The following ZNF84 variants were observed in gnomAD, a reference collection of about 807,000 sequenced individuals.
ZNF84 encodes zinc finger protein HPF2.
A neutral mutation model predicts 14.8 loss-of-function variants in ZNF84; 12 were observed. That is an observed-to-expected ratio of 0.81 (90% CI 0.52 to 1.31). ZNF84 has a LOEUF of 1.31. Among genes scored for constraint, ZNF84 ranks in the 50% most tolerant of loss-of-function variants. The probability of loss-of-function intolerance (pLI) is 0.00; values close to 1 mark genes in which losing one functional copy is unlikely to be tolerated. For missense variants in ZNF84, 859 were observed against 878.6 expected (o/e 0.98, Z 0.28); for synonymous variants, 347 against 291.1 (o/e 1.19, Z -1.96).
chr12:133,048,434 A>G, intron 3 of ZNF84: 1 of 292,186 alleles, frequency 3.4e-6, no homozygotes. Flanking sequence ...TGGCAAGTAC[A>G]GTCATTATCC....
At chr12:133,056,166 T>C (rs1204825133) in intron 4 of ZNF84, among the ~76,000 whole-genome samples, 1 of 152,258 alleles carries the variant, frequency 6.6e-6, no homozygotes, top group Non-Finnish European at 1.5e-5. Context: ...TCTTAGTATT[T>C]ACTACAGTGT....
intron 2 of ZNF84, among the ~76,000 whole-genome samples, chr12:133,045,044 G>A (rs1324046749): frequency 1.3e-5 from 2 of 152,122 alleles, no homozygotes; most frequent in Non-Finnish European, 2.9e-5. Flanking sequence ...ATAATTCATT[G>A]ATTTTTAAGT....
chr12:133,050,687 A>G, intron 4 of ZNF84: 1 of 396,328 alleles, frequency 2.5e-6, no homozygotes, highest in Non-Finnish European at 4.4e-6. Context: ...AATCCTTTCC[A>G]TAGGAACTTG....
In ZNF84 at chr12:133,057,503, A is replaced by T. The variant is rs1040333038; in HGVS notation, c.788A>T (p.Tyr263Phe). ...AGAACTCATACAGGAGAAAAACCTT[A>T]TAATTGTAGCCAGTGTGGGAAAGCC... ...HHRTHTGEKP[Y>F]NCSQCGKAFS... Residue 263 changes from tyrosine (Y) to phenylalanine (F), a missense_variant, in exon 5 of 5, where the codon TAT becomes TTT. Tyr to Phe is a conservative substitution (Grantham distance 22). Coordinates refer to ENST00000539354, the MANE Select transcript of ZNF84 (RefSeq NM_001289971.2). The T allele has an allele frequency of 1.2e-5, 20 of 1,614,062 alleles. No homozygotes were observed. In the Admixed American group the frequency reaches 2.7e-4, roughly 22 times the overall value.
Position 133,058,660 on chromosome 12 carries a change from C to T in ZNF84, c.1945C>T (p.His649Tyr). Reference sequence around the variant, plus strand: ...AAGTCTCATCAATCATCAGAGAATACATACAGGAGAGAAGCCTTTTGAATG... The same window carrying T: ...AAGTCTCATCAATCATCAGAGAATATATACAGGAGAGAAGCCTTTTGAATG... ...KSSLINHQRI[H>Y]TGEKPFECSE... Residue 649 changes from histidine (H) to tyrosine (Y), a missense_variant, in exon 5 of 5, where the codon CAT becomes TAT. By Grantham distance (83) the His-to-Tyr change is moderately conservative (BLOSUM62 2). Transcript: ENST00000539354. 1 of 1,614,132 alleles carries T rather than the reference C, an allele frequency of 6.2e-7. No individual in the cohort carries two copies. The highest frequency in any genetic ancestry group is 8.5e-7 in the Non-Finnish European group (1 of 1,180,006).
chr12:133,043,238 C>A (rs1301104830), intron 2 of ZNF84, among the ~76,000 whole-genome samples: 1 of 152,026 alleles, frequency 6.6e-6, no homozygotes, highest in Non-Finnish European at 1.5e-5. Context: ...AGTGCAATGG[C>A]ACAATCTCAG....
chr12:133,038,855 GA>G (rs1358036571), intron 1 of ZNF84: 2 of 151,622 alleles, frequency 1.3e-5, no homozygotes, highest in Admixed American at 1.3e-4. Flanking sequence ...TATTTTATGT[GA>G]GTTGTTTATA....
chr12:133,058,843 C>G lies in ZNF84; in HGVS notation c.2128C>G (p.Pro710Ala). The change falls in exon 5 of 5, where the codon CCT becomes GCT. Residue 710 changes from proline to alanine, a missense_variant. Coordinates refer to ENST00000539354, the MANE Select transcript of ZNF84 (RefSeq NM_001289971.2). The part of the protein sequence containing the change: ...NHQRIHTGEK[P>A]YRCIECGKAF... ...TCAGAGAATTCATACAGGAGAGAAG[C>G]CTTATCGATGCATTGAATGTGGGAA... is the stretch of plus-strand genomic sequence containing the variant. The G allele has an allele frequency of 6.2e-7, 1 of 1,613,908 alleles. No homozygotes were observed. Among genetic ancestry groups the G allele is most frequent in the Non-Finnish European group, 8.5e-7 (1 of 1,179,926 alleles).
chr12:133,058,968 T>C lies in ZNF84; in HGVS notation c.*36T>C, dbSNP rs1387027634. On this transcript the variant is annotated 3_prime_UTR_variant, in exon 5 of 5. Coordinates refer to ENST00000539354, the MANE Select transcript of ZNF84 (RefSeq NM_001289971.2). ...AATAGTAGTCTTTGACAGATCATCT[T>C]GGACTTCAGGAAATGCAATTATGAT... 1 of 1,524,648 alleles carries C rather than the reference T, an allele frequency of 6.6e-7. No homozygotes were observed. Among genetic ancestry groups the C allele is most frequent in the East Asian group, 2.3e-5 (1 of 44,298 alleles). The allele number at this position is 1,524,648 out of a possible 1,614,324, so 94.4% of individuals were successfully genotyped here. A position where few individuals can be genotyped will look rare whatever the true frequency, so the allele number is the denominator to read the frequency against.
Position 133,061,517 on chromosome 12 carries a change from C to G in ZNF84, c.*2585C>G, listed in dbSNP as rs938362954. On this transcript the variant is annotated 3_prime_UTR_variant, in exon 5 of 5. Transcript: ENST00000539354. The stretch of plus-strand genomic sequence containing the variant: ...TTTTTAATATCTCAAATTCATTTTA[C>G]TAGACGTGGGAGACCAACTAATGCA... The G allele has an allele frequency of 6.6e-5, 10 of 152,166 alleles. No individual in the cohort carries two copies. Among genetic ancestry groups the G allele is most frequent in the African/African-American group, 2.2e-4 (9 of 41,440 alleles). The allele number at this position is 152,166 out of a possible 1,614,324, so 9.4% of individuals were successfully genotyped here. A position where few individuals can be genotyped will look rare whatever the true frequency, so the allele number is the denominator to read the frequency against.
intron 2 of ZNF84, chr12:133,047,748 C>T: frequency 6.8e-6 from 3 of 441,622 alleles, no homozygotes; most frequent in Non-Finnish European, 8.2e-6. Flanking sequence ...TGGAGAGGCT[C>T]TCTTTAATCT....
At chr12:133,044,611 T>G (rs1953945748) in intron 2 of ZNF84, among the ~76,000 whole-genome samples, 1 of 152,110 alleles carries the variant, frequency 6.6e-6, no homozygotes, top group Non-Finnish European at 1.5e-5. Flanking sequence ...GGGTTCATTG[T>G]TTTTCAAAGA....
chr12:133,041,547 T>C (rs999566546), intron 2 of ZNF84, 65 bp downstream of exon 2: 43 of 1,541,874 alleles, frequency 2.8e-5, no homozygotes, highest in Non-Finnish European at 3.6e-5. Context: ...AGCCTTCCGG[T>C]GAAAAAGAAA....
chr12:133,057,256 G>A lies in ZNF84; in HGVS notation c.541G>A (p.Asp181Asn). 6 of 1,613,812 alleles carry A rather than the reference G, an allele frequency of 3.7e-6. No individual in the cohort carries two copies. Among genetic ancestry groups the A allele is most frequent in the Non-Finnish European group, 5.1e-6 (6 of 1,179,970 alleles). Reference sequence around the variant, plus strand: ...TACTGATACCTGGTTAAAATACTATGACTGTGATAAATATAAAGAGAGCTA... The same window carrying A: ...TACTGATACCTGGTTAAAATACTATAACTGTGATAAATATAAAGAGAGCTA... The part of the protein sequence containing the change: ...EDTDTWLKYY[D>N]CDKYKESYKK... The change falls in exon 5 of 5, where the codon GAC (aspartate) becomes AAC (asparagine). Residue 181 changes from aspartate (D) to asparagine (N), a missense_variant. Physicochemically the swap from Asp to Asn is conservative, Grantham distance 23 (BLOSUM62 1). Transcript: ENST00000539354.
At position 133,058,177 on chromosome 12, in the gene ZNF84, GA is replaced by G; in HGVS notation, c.1464del (p.Glu488AspfsTer13). On this transcript the variant is annotated frameshift_variant, in exon 5 of 5. Coordinates refer to ENST00000539354, the MANE Select transcript of ZNF84 (RefSeq NM_001289971.2). LOFTEE classifies it low-confidence loss of function (END_TRUNC). The stretch of plus-strand genomic sequence containing the variant: ...AACTCATACGGGAGAAAAACCGTAT[GA>G]ATGCAGTGAGTGTGGGAAAGCTTTC... ...QRTHTGEKPY[E>X]CSECGKAFSE... 1 of 1,614,086 alleles carries G rather than the reference GA, an allele frequency of 6.2e-7. No homozygotes were observed. Among genetic ancestry groups the G allele is most frequent in the African/African-American group, 1.3e-5 (1 of 75,048 alleles).
intron 4 of ZNF84, among the ~76,000 whole-genome samples, chr12:133,052,314 AG>A (rs1954084442): frequency 3.3e-5 from 5 of 152,114 alleles, no homozygotes; most frequent in African/African-American, 1.2e-4. Context: ...ATGGAGAGAG[AG>A]AGAGAGAAGA....
Position 133,062,760 on chromosome 12 carries a change from T to C in ZNF84, c.*3828T>C, listed in dbSNP as rs1377737930. 3.4e-6 allele frequency: 1 copy of C among 294,336 alleles called. No individual in the cohort carries two copies. Among genetic ancestry groups the C allele is most frequent in the South Asian group, 5.9e-5 (1 of 16,808 alleles). 18.2% of individuals were successfully genotyped at this position (294,336 alleles called of 1,614,324 possible). On this transcript the variant is annotated 3_prime_UTR_variant, in exon 5 of 5. Transcript: ENST00000539354. Reference sequence around the variant, plus strand: ...TTCTCCTTATGGTATGTAAGGACTTTTGTATAAACCAATGCCTATCTATCT... The same window carrying C: ...TTCTCCTTATGGTATGTAAGGACTTCTGTATAAACCAATGCCTATCTATCT...
chr12:133,042,372 A>G (rs1439569957), intron 2 of ZNF84, among the ~76,000 whole-genome samples: 2 of 152,196 alleles, frequency 1.3e-5, no homozygotes, highest in East Asian at 1.9e-4. Context: ...AAATAAATAC[A>G]TGCTAATTCT....
Position 133,058,248 on chromosome 12 carries a change from A to G in ZNF84, c.1533A>G (p.Gly511=). ...SLTNHQRIHT[G]EKPYVCSECG... is the part of the protein sequence containing the mutation. ...CTAATCATCAAAGAATTCATACAGGAGAAAAACCATATGTATGCAGTGAAT... is the reference window on the plus strand; with the variant it reads ...CTAATCATCAAAGAATTCATACAGGGGAAAAACCATATGTATGCAGTGAAT... Residue 511 remains glycine, a synonymous_variant, in exon 5 of 5, where the codon GGA becomes GGG. Coordinates refer to ENST00000539354, the MANE Select transcript of ZNF84 (RefSeq NM_001289971.2). 7.4e-6 allele frequency: 12 copies of G among 1,613,888 alleles called. No homozygotes were observed. The highest frequency in any genetic ancestry group is 9.3e-6 in the Non-Finnish European group (11 of 1,179,956).
Sources: allele counts gnomAD v4.1 joint callset (sites outside exome capture counted in the v4.1 genomes callset), GRCh38; gene constraint gnomAD v4.1.1; transcripts MANE v1.5; gene names NCBI Gene and HGNC (gene_info 2026-07-23, HGNC 2026-07-21).